NAA20: variants seen among roughly 807,000 people sequenced by gnomAD.
The protein encoded by NAA20 is N-alpha-acetyltransferase 20, NatB catalytic subunit.
A neutral mutation model predicts 23.8 loss-of-function variants in NAA20; 24 were observed. That is an observed-to-expected ratio of 1.01 (90% CI 0.73 to 1.42). NAA20 has a LOEUF of 1.42. Ranked by LOEUF, NAA20 falls within the 40% of genes most tolerant of loss-of-function variation. NAA20 has a pLI of 0.00. For synonymous variants in NAA20, 83 were observed against 77.7 expected, an observed-to-expected ratio of 1.07 and a Z score of -0.36; for missense variants, 166 against 223.1, an observed-to-expected ratio of 0.74 and a Z score of 1.63.
At chr20:20,024,373 C>T (rs1485893639) in intron 2 of NAA20, among the ~76,000 whole-genome samples, 1 of 152,068 alleles carries the variant, frequency 6.6e-6, no homozygotes, top group Admixed American at 6.6e-5. Flanking sequence ...TACTATACAG[C>T]AGTAAAAATT....
At chr20:20,032,686 A>C (rs2043354728) in intron 5 of NAA20, 33 bp downstream of exon 5, 2 of 1,541,004 alleles carry the variant, frequency 1.3e-6, no homozygotes, top group Non-Finnish European at 1.7e-6. Context: ...ATCCCCAAGA[A>C]GTCGAAACAG....
At chr20:20,031,518 TA>T (rs2043343750) in intron 4 of NAA20, among the ~76,000 whole-genome samples, 1 of 152,176 alleles carries the variant, frequency 6.6e-6, no homozygotes, top group South Asian at 2.1e-4. Context: ...GGCCTCAGTG[TA>T]GAACTTTTTA....
chr20:20,027,025 A>G, intron 4 of NAA20, 106 bp downstream of exon 4: 1 of 1,392,884 alleles, frequency 7.2e-7, no homozygotes. Context: ...CAGGAATTTC[A>G]TCTTCCATCT....
At chr20:20,026,657 C>T (rs1388639916) in intron 3 of NAA20, 127 bp from the exon 4 acceptor site, 3 of 1,061,212 alleles carry the variant, frequency 2.8e-6, no homozygotes, top group South Asian at 3.1e-5. Flanking sequence ...AGCTGGATGA[C>T]CTCAGGTGGT....
At chr20:20,032,469 C>T (rs2043351564) in intron 4 of NAA20, 39 bp from the exon 5 acceptor site, 1 of 1,596,764 alleles carries the variant, frequency 6.3e-7, no homozygotes, top group East Asian at 2.2e-5. Flanking sequence ...TAGGGTTTCT[C>T]ACATTCTAAC....
At chr20:20,025,868 G>A in intron 3 of NAA20, 101 bp downstream of exon 3, 2 of 842,202 alleles carry the variant, frequency 2.4e-6, no homozygotes, top group Non-Finnish European at 4.0e-6. Flanking sequence ...AATGATGCTT[G>A]TAATTTTATT....
intron 5 of NAA20, 53 bp from the exon 6 acceptor site, chr20:20,033,049 A>G (rs967465607): frequency 1.7e-5 from 23 of 1,373,994 alleles, no homozygotes; most frequent in Non-Finnish European, 2.3e-5. Context: ...TACACTTTAC[A>G]TTTGATATAA....
rs60959064 is a variant in NAA20 at position 20,030,629 on chromosome 20, A to C, written c.306-1879A>C. Among the ~76,000 whole-genome samples the C allele has an allele frequency of 2.6e-3, 401 of 152,214 alleles. 1 individual carries two copies. Among genetic ancestry groups the C allele is most frequent in the African/African-American group, 9.2e-3 (383 of 41,570 alleles). On this transcript the variant is annotated intron_variant, in intron 4 of 5. Coordinates refer to ENST00000334982, the MANE Select transcript of NAA20 (RefSeq NM_016100.5). ...ATATGATTATATAAATATAAAATCCATAAGAATATAAATATTTAGAATTAA... is the reference window on the plus strand; with the variant it reads ...ATATGATTATATAAATATAAAATCCCTAAGAATATAAATATTTAGAATTAA...
chr20:20,030,006 A>G (rs1275800969), intron 4 of NAA20, among the ~76,000 whole-genome samples: 1 of 152,216 alleles, frequency 6.6e-6, no homozygotes, highest in Non-Finnish European at 1.5e-5. Flanking sequence ...CAGTAGCCCA[A>G]AATCTTTTCA....
chr20:20,027,457 T>G (rs1238408571), intron 4 of NAA20, among the ~76,000 whole-genome samples: 2 of 152,212 alleles, frequency 1.3e-5, no homozygotes, highest in African/African-American at 4.8e-5. Flanking sequence ...CTGTTGGACA[T>G]TAAATGACTT....
At chr20:20,020,496 G>A (rs556580758) in intron 1 of NAA20, among the ~76,000 whole-genome samples, 1 of 152,318 alleles carries the variant, frequency 6.6e-6, no homozygotes, top group South Asian at 2.1e-4. Context: ...GCATGGGAGG[G>A]TAAGGGGATA....
chr20:20,032,746 A>G, intron 5 of NAA20, 93 bp downstream of exon 5: 1 of 1,399,316 alleles, frequency 7.1e-7, no homozygotes, highest in Non-Finnish European at 9.4e-7. Flanking sequence ...ATAAATGTAG[A>G]ATATTTGACT....
chr20:20,019,632 A>C (rs1004223725), intron 1 of NAA20, among the ~76,000 whole-genome samples: 1 of 152,284 alleles, frequency 6.6e-6, no homozygotes, highest in East Asian at 1.9e-4. Context: ...TTGCCCAGAC[A>C]GGAGTGCAGT....
intron 2 of NAA20, 75 bp from the exon 3 acceptor site, chr20:20,025,602 A>T: frequency 9.1e-7 from 1 of 1,102,620 alleles, no homozygotes; most frequent in Admixed American, 1.8e-5. Context: ...TTTAAAGGAA[A>T]CTTTTTTTAC....
chr20:20,018,176 TTAAG>T, intron 1 of NAA20: 7 of 1,316,510 alleles, frequency 5.3e-6, no homozygotes, highest in Non-Finnish European at 6.5e-6. Context: ...TGGATTCGAG[TTAAG>T]GCCAGACCTC....
chr20:20,028,902 T>TA (rs1267206688), intron 4 of NAA20, among the ~76,000 whole-genome samples: 1 of 152,182 alleles, frequency 6.6e-6, no homozygotes, highest in Non-Finnish European at 1.5e-5. Flanking sequence ...ATTACAACAG[T>TA]AAACGTTAAT....
At chr20:20,023,490 G>C (rs1175000265) in intron 2 of NAA20, among the ~76,000 whole-genome samples, 1 of 151,980 alleles carries the variant, frequency 6.6e-6, no homozygotes, top group African/African-American at 2.4e-5. Context: ...AGGTAACAAT[G>C]AACAGTGTCT....
At chr20:20,024,817 T>C (rs2146463604) in intron 2 of NAA20, among the ~76,000 whole-genome samples, 1 of 152,322 alleles carries the variant, frequency 6.6e-6, no homozygotes, top group African/African-American at 2.4e-5. Flanking sequence ...AAAATAATGA[T>C]GGTCCTTCAG....
chr20:20,029,976 C>T (rs2043332067), intron 4 of NAA20, among the ~76,000 whole-genome samples: 1 of 152,168 alleles, frequency 6.6e-6, no homozygotes, highest in Non-Finnish European at 1.5e-5. Context: ...AAGCCAACCC[C>T]TGCCCTAAAG....
Sources: allele counts gnomAD v4.1 joint callset (sites outside exome capture counted in the v4.1 genomes callset), GRCh38; gene constraint gnomAD v4.1.1; transcripts MANE v1.5; gene names NCBI Gene and HGNC (gene_info 2026-07-23, HGNC 2026-07-21).